PCGF5: variants seen among roughly 807,000 people sequenced by gnomAD.
PCGF5 encodes the protein polycomb group ring finger 5, also known as polycomb group RING finger protein 5.
In PCGF5, 9 loss-of-function variants were observed where a neutral mutation model predicts 44.3. The ratio of observed to expected loss-of-function variants is 0.20; its 90% CI spans 0.12 to 0.35. The LOEUF (loss-of-function observed/expected upper bound fraction) is 0.35, where lower values mean the gene tolerates loss of function less well. Ranked by LOEUF, PCGF5 falls within the 10% of genes least tolerant of loss-of-function variation. The probability of loss-of-function intolerance (pLI) is 1.00; values close to 1 mark genes in which losing one functional copy is unlikely to be tolerated. For synonymous variants in PCGF5, 95 were observed against 102.5 expected, an observed-to-expected ratio of 0.93 and a Z score of 0.44; for missense variants, 146 against 305.3, an observed-to-expected ratio of 0.48 and a Z score of 3.89.
intron 7 of PCGF5, 117 bp from the exon 8 acceptor site, chr10:91,264,314 A>G (rs1845996617): frequency 3.9e-6 from 3 of 771,208 alleles, no homozygotes; most frequent in Non-Finnish European, 6.1e-6. Flanking sequence ...CCTATTTAAA[A>G]TAATGGATAA....
intron 6 of PCGF5, among the ~76,000 whole-genome samples, chr10:91,260,506 C>T (rs1221546113): frequency 6.6e-6 from 1 of 152,092 alleles, no homozygotes; most frequent in East Asian, 1.9e-4. Flanking sequence ...AAGACACATG[C>T]ACACATATGT....
intron 1 of PCGF5, among the ~76,000 whole-genome samples, chr10:91,196,176 T>C (rs897682185): frequency 6.6e-6 from 1 of 152,084 alleles, no homozygotes; most frequent in African/African-American, 2.4e-5. Flanking sequence ...AAAGCACATG[T>C]GACAGTGCAG....
At chr10:91,248,780 A>G (rs1845541657) in intron 5 of PCGF5, 56 bp downstream of exon 5, 1 of 1,419,754 alleles carries the variant, frequency 7.0e-7, no homozygotes, top group South Asian at 1.2e-5. Context: ...TCAGCTTTTC[A>G]TAGTTTAGGT....
At chr10:91,163,595 T>C (rs899849854) in intron 1 of PCGF5, among the ~76,000 whole-genome samples, 1 of 151,990 alleles carries the variant, frequency 6.6e-6, no homozygotes, top group African/African-American at 2.4e-5. Flanking sequence ...GGCGCCTAGT[T>C]TGGGGGCCGC....
At chr10:91,261,802 G>A (rs1203987971) in intron 7 of PCGF5, among the ~76,000 whole-genome samples, 1 of 152,176 alleles carries the variant, frequency 6.6e-6, no homozygotes, top group African/African-American at 2.4e-5. Flanking sequence ...TCTTCAGAAT[G>A]TAAAACATTG....
chr10:91,216,698 A>C (rs1844547484), upstream of PCGF5, among the ~76,000 whole-genome samples: 1 of 152,220 alleles, frequency 6.6e-6, no homozygotes, highest in Non-Finnish European at 1.5e-5. Context: ...AGAGACATTT[A>C]GCAAGGGAAG....
intron 2 of PCGF5, among the ~76,000 whole-genome samples, chr10:91,225,267 AT>A (rs1844794881): frequency 6.8e-6 from 1 of 147,594 alleles, no homozygotes; most frequent in Non-Finnish European, 1.5e-5. Context: ...ATATATGTAT[AT>A]ACGATATATA....
intron 1 of PCGF5, among the ~76,000 whole-genome samples, chr10:91,213,383 A>G (rs1178194321): frequency 6.6e-6 from 1 of 152,228 alleles, no homozygotes; most frequent in Non-Finnish European, 1.5e-5. Context: ...ATTTGGCTAC[A>G]AGTAGCACAA....
intron 9 of PCGF5, among the ~76,000 whole-genome samples, chr10:91,272,475 A>G (rs1846202065): frequency 6.8e-6 from 1 of 146,778 alleles, no homozygotes; most frequent in African/African-American, 2.7e-5. Context: ...CAAGACAAAA[A>G]AAAATTATTT....
upstream of PCGF5, among the ~76,000 whole-genome samples, chr10:91,158,902 T>C (rs896493937): frequency 6.6e-6 from 1 of 152,226 alleles, no homozygotes; most frequent in Non-Finnish European, 1.5e-5. Context: ...ACTTGTAACC[T>C]AAACAGTTGA....
At chr10:91,231,976 G>A (rs1845018561) in intron 2 of PCGF5, among the ~76,000 whole-genome samples, 1 of 152,146 alleles carries the variant, frequency 6.6e-6, no homozygotes. Context: ...TTTGGGAGTT[G>A]GACTTATGAC....
intron 1 of PCGF5, among the ~76,000 whole-genome samples, chr10:91,184,835 ATCACCAGT>A (rs1222310542): frequency 1.3e-5 from 2 of 152,062 alleles, no homozygotes; most frequent in Admixed American, 1.3e-4. Context: ...ATCTGGAGGT[ATCACCAGT>A]GAAGGCTACA....
intron 1 of PCGF5, among the ~76,000 whole-genome samples, chr10:91,180,127 T>C (rs1474525365): frequency 6.6e-6 from 1 of 152,206 alleles, no homozygotes; most frequent in African/African-American, 2.4e-5. Context: ...CATTACATTA[T>C]TGGCGGCATG....
At chr10:91,219,554 T>G (rs573256539), upstream of PCGF5, among the ~76,000 whole-genome samples, 3 of 152,342 alleles carry the variant, frequency 2.0e-5, no homozygotes, top group East Asian at 5.8e-4. Context: ...TTGACCTCAC[T>G]TGTTTTCTCT....
At chr10:91,245,943 T>A (rs1378890424) in intron 3 of PCGF5, among the ~76,000 whole-genome samples, 1 of 152,060 alleles carries the variant, frequency 6.6e-6, no homozygotes, top group Non-Finnish European at 1.5e-5. Context: ...TGTGTTGTAG[T>A]TAGGAATTTG....
At chr10:91,264,557 G>C (rs1846001648) in intron 8 of PCGF5, 37 bp downstream of exon 8, 1 of 1,420,750 alleles carries the variant, frequency 7.0e-7, no homozygotes, top group African/African-American at 1.5e-5. Flanking sequence ...TGTTTATTTA[G>C]TTATATACCA....
chr10:91,253,706 A>C (rs769942568), intron 6 of PCGF5, among the ~76,000 whole-genome samples: 3 of 152,030 alleles, frequency 2.0e-5, no homozygotes, highest in Non-Finnish European at 4.4e-5. Context: ...TTTTTTAAGT[A>C]GTTATTAAGT....
At chr10:91,235,014 C>T (rs934666218) in intron 2 of PCGF5, among the ~76,000 whole-genome samples, 12 of 152,124 alleles carry the variant, frequency 7.9e-5, no homozygotes, top group African/African-American at 2.7e-4. Context: ...AATAAAGTGA[C>T]TTCTGATGAT....
chr10:91,190,865 G>A (rs879571681), intron 1 of PCGF5, among the ~76,000 whole-genome samples: 1 of 152,158 alleles, frequency 6.6e-6, no homozygotes, highest in Non-Finnish European at 1.5e-5. Context: ...ATCAGTTCCT[G>A]CTGTCTTTTG....
Sources: gnomAD v4.1 joint callset for allele counts (sites outside exome capture counted in the v4.1 genomes callset) on GRCh38, gnomAD v4.1.1 for gene constraint, MANE v1.5 for transcripts, NCBI Gene and HGNC (gene_info 2026-07-23, HGNC 2026-07-21) for gene names.